Variants in TNKS observed in about 807,000 individuals in gnomAD.
The protein encoded by TNKS is poly [ADP-ribose] polymerase tankyrase-1.
TNKS carries 72 observed loss-of-function variants against 135.8 expected under a neutral mutation model. The ratio of observed to expected loss-of-function variants is 0.53; its 90% CI spans 0.44 to 0.64. The LOEUF is 0.64. Ranked by LOEUF, TNKS falls within the 30% of genes least tolerant of loss-of-function variation. The pLI, the probability that TNKS is intolerant of heterozygous loss-of-function variation, is 0.00. For synonymous variants in TNKS, 849 were observed against 649.3 expected (o/e 1.31, Z -4.68); for missense variants, 1,769 against 1,674.0 (o/e 1.06, Z -0.99).
chr8:9,670,416 C>T (rs1563156790), intron 3 of TNKS, among the ~76,000 whole-genome samples: 1 of 152,144 alleles, frequency 6.6e-6, no homozygotes, highest in African/African-American at 2.4e-5. Flanking sequence ...GGGCATGAAG[C>T]CACATATCAG....
At chr8:9,590,902 A>G (rs1798566470) in intron 2 of TNKS, among the ~76,000 whole-genome samples, 1 of 152,188 alleles carries the variant, frequency 6.6e-6, no homozygotes, top group Admixed American at 6.5e-5. Context: ...CATTTTGGTG[A>G]TTTGATTAAT....
At chr8:9,758,535 A>C (rs1054138718) in intron 20 of TNKS, among the ~76,000 whole-genome samples, 3 of 152,240 alleles carry the variant, frequency 2.0e-5, no homozygotes, top group Non-Finnish European at 4.4e-5. Context: ...TTAATGGCTT[A>C]AAATAACAAA....
At chr8:9,611,443 CAAGCAA>C (rs2128763694) in intron 2 of TNKS, among the ~76,000 whole-genome samples, 1 of 152,332 alleles carries the variant, frequency 6.6e-6, no homozygotes, top group East Asian at 1.9e-4. Context: ...ACTGTATCAT[CAAGCAA>C]TGTGGTACTT....
chr8:9,638,198 C>G (rs1352967036), intron 3 of TNKS, among the ~76,000 whole-genome samples: 1 of 152,216 alleles, frequency 6.6e-6, no homozygotes, highest in Non-Finnish European at 1.5e-5. Context: ...TAGTCTCAAA[C>G]TCCTGGCTTT....
rs531570110 is a variant in TNKS at position 9,708,610 on chromosome 8, A to T, written c.1578+118A>T. 24 of 1,129,554 alleles carry T rather than the reference A, an allele frequency of 2.1e-5. No homozygotes were observed. The South Asian group carries it at 5.3e-4, about 25-fold the overall frequency. The allele number at this position is 1,129,554 out of a possible 1,614,324, so 70.0% of individuals were successfully genotyped here. A position where few individuals can be genotyped will look rare whatever the true frequency, so the allele number is the denominator to read the frequency against. ...AGTATCTGAAATGCCAGGAATTTGCATGTTAATTTTGGTTGCATTGATTTT... is the reference window on the plus strand; with the variant it reads ...AGTATCTGAAATGCCAGGAATTTGCTTGTTAATTTTGGTTGCATTGATTTT... On this transcript the variant is annotated intron_variant, in intron 9 of 26. Transcript: ENST00000310430.
chr8:9,580,447 C>A, intron 2 of TNKS, 64 bp downstream of exon 2: 1 of 1,436,756 alleles, frequency 7.0e-7, no homozygotes, highest in Non-Finnish European at 9.6e-7. Flanking sequence ...TTTTGTGGTA[C>A]AAATAGTGTT....
rs755395371 is a variant in TNKS, at chr8:9,720,477, C to G, written c.1853C>G (p.Ser618Cys). The change falls in exon 12 of 27, where the codon TCC becomes TGC. Residue 618 changes from serine to cysteine, a missense_variant. Coordinates refer to ENST00000310430, the MANE Select transcript of TNKS (RefSeq NM_003747.3). ...CTGCTGAGTTACGGCTCTGACCCCT[C>G]CATCATCTCCTTACAAGGCTTCACA... Reference protein sequence around the residue: ...RLLLSYGSDPSIISLQGFTAA... With the variant: ...RLLLSYGSDPCIISLQGFTAA... The G allele has an allele frequency of 6.2e-7, 1 of 1,614,138 alleles. No individual in the cohort carries two copies.
At chr8:9,650,219 C>T (rs1184831906) in intron 3 of TNKS, among the ~76,000 whole-genome samples, 2 of 151,958 alleles carry the variant, frequency 1.3e-5, no homozygotes, top group Non-Finnish European at 1.5e-5. Context: ...ATCTGCTTGT[C>T]GATTGATGGG....
chr8:9,672,218 G>A (rs1802302814), intron 3 of TNKS, among the ~76,000 whole-genome samples: 1 of 152,078 alleles, frequency 6.6e-6, no homozygotes, highest in Non-Finnish European at 1.5e-5. Flanking sequence ...AATTTATAAG[G>A]GGTATGTATT....
chr8:9,755,539 T>C (rs1287932834), intron 20 of TNKS, among the ~76,000 whole-genome samples: 2 of 152,266 alleles, frequency 1.3e-5, no homozygotes, highest in African/African-American at 4.8e-5. Context: ...ATGTTATTTA[T>C]CTAGCCTTCC....
intron 1 of TNKS, among the ~76,000 whole-genome samples, chr8:9,565,288 T>A (rs1014553442): frequency 2.6e-5 from 4 of 152,232 alleles, no homozygotes; most frequent in Admixed American, 6.5e-5. Flanking sequence ...TTTATTTATT[T>A]ATTTTGGTTT....
chr8:9,780,495 G>T lies in TNKS; in HGVS notation c.*3759G>T, dbSNP rs1347034956. 1.3e-5 allele frequency: 2 copies of T among 152,062 alleles called. No homozygotes were observed. Among genetic ancestry groups the T allele is most frequent in the Non-Finnish European group, 2.9e-5 (2 of 68,022 alleles). The allele number at this position is 152,062 out of a possible 1,614,324, so 9.4% of individuals were successfully genotyped here. A position where few individuals can be genotyped will look rare whatever the true frequency, so the allele number is the denominator to read the frequency against. ...GTCAGATCAGTGACAGAAGTGAAAAGAAAGTAATTGTGAAAGTGATGTTTG... is the reference window on the plus strand; with the variant it reads ...GTCAGATCAGTGACAGAAGTGAAAATAAAGTAATTGTGAAAGTGATGTTTG... On this transcript the variant is annotated 3_prime_UTR_variant, in exon 27 of 27. Coordinates refer to ENST00000310430, the MANE Select transcript of TNKS (RefSeq NM_003747.3).
chr8:9,620,121 T>C (rs1188812311), intron 3 of TNKS, among the ~76,000 whole-genome samples: 1 of 152,124 alleles, frequency 6.6e-6, no homozygotes, highest in Non-Finnish European at 1.5e-5. Context: ...AGCTAATTTT[T>C]GTATTTTTAG....
At chr8:9,740,806 A>C (rs982946360) in intron 17 of TNKS, 1 of 141,856 alleles carries the variant, frequency 7.0e-6, no homozygotes, top group African/African-American at 2.6e-5. Context: ...CTACATATAC[A>C]TTTATATGTA....
At chr8:9,776,475 C>T in intron 26 of TNKS, among the ~76,000 whole-genome samples, 175 bp from the exon 27 acceptor site, 1 of 152,160 alleles carries the variant, frequency 6.6e-6, no homozygotes, top group East Asian at 1.9e-4. Context: ...AGGGTTTATA[C>T]ACATTTATTT....
chr8:9,735,345 C>CA, intron 16 of TNKS, 32 bp from the exon 17 acceptor site: 1 of 1,584,942 alleles, frequency 6.3e-7, no homozygotes, highest in East Asian at 2.2e-5. Context: ...TTTAAGCTGA[C>CA]ACGTTTCCTG....
intron 5 of TNKS, among the ~76,000 whole-genome samples, chr8:9,695,984 T>C (rs188862482): frequency 6.6e-6 from 1 of 152,346 alleles, no homozygotes; most frequent in Non-Finnish European, 1.5e-5. Flanking sequence ...AAGTCTTACA[T>C]ATATCATGTA....
At chr8:9,736,118 C>T (rs575044768) in intron 17 of TNKS, among the ~76,000 whole-genome samples, 2 of 149,080 alleles carry the variant, frequency 1.3e-5, no homozygotes, top group South Asian at 2.1e-4. Context: ...TAATAAATAC[C>T]AATTTCTTAA....
intron 20 of TNKS, among the ~76,000 whole-genome samples, chr8:9,759,173 G>A (rs959661300): frequency 6.6e-6 from 1 of 152,224 alleles, no homozygotes; most frequent in African/African-American, 2.4e-5. Flanking sequence ...CTCCAGGGGA[G>A]GGGAGCACAC....
Sources: gnomAD v4.1 joint callset for allele counts (sites outside exome capture counted in the v4.1 genomes callset) on GRCh38, gnomAD v4.1.1 for gene constraint, MANE v1.5 for transcripts, NCBI Gene and HGNC (gene_info 2026-07-23, HGNC 2026-07-21) for gene names.